The following CSMD1 variants were observed in gnomAD, a reference collection of about 807,000 sequenced individuals.
CSMD1 encodes CUB and sushi domain-containing protein 1.
Under a neutral mutation model 417.5 loss-of-function variants are expected in CSMD1, and 213 were observed. The ratio of observed to expected loss-of-function variants is 0.51; its 90% CI spans 0.46 to 0.57. The LOEUF is 0.57. CSMD1 is among the 20% of genes least tolerant of loss of function. The probability of loss-of-function intolerance (pLI) is 0.00; values close to 1 mark genes in which losing one functional copy is unlikely to be tolerated. For synonymous variants in CSMD1, 2,862 were observed against 1,736.8 expected (o/e 1.65, Z -16.11); for missense variants, 6,923 against 4,529.7 (o/e 1.53, Z -15.17).
chr8:3,057,725 G>C (rs1433274695), intron 49 of CSMD1, among the ~76,000 whole-genome samples: 1 of 152,076 alleles, frequency 6.6e-6, no homozygotes, highest in Non-Finnish European at 1.5e-5. Context: ...GCCTCAAAAC[G>C]GTTCTGCTGA....
At chr8:4,069,395 T>C (rs183100585) in intron 3 of CSMD1, among the ~76,000 whole-genome samples, 1 of 152,370 alleles carries the variant, frequency 6.6e-6, no homozygotes, top group Non-Finnish European at 1.5e-5. Context: ...GTCTGTTTTC[T>C]GAGTTTTCCG....
At chr8:3,479,765 T>G (rs1047855606) in intron 11 of CSMD1, among the ~76,000 whole-genome samples, 1 of 150,072 alleles carries the variant, frequency 6.7e-6, no homozygotes, top group East Asian at 2.0e-4. Context: ...TGAAAGACAA[T>G]CAACCAACCC....
rs1800640502 is a variant in CSMD1, at chr8:3,587,156, C to T, written c.1098-896G>A. ...GGATTTAGAGAAAAAACTGCCCTGG[C>T]TCCAGAGCTGCATTTGCAAACATGG... On this transcript the variant is annotated intron_variant, in intron 8 of 69. Coordinates refer to ENST00000635120, the MANE Select transcript of CSMD1 (RefSeq NM_033225.6). 2.0e-5 allele frequency among the ~76,000 whole-genome samples: 3 copies of T among 152,196 alleles called. 1 individual carries two copies. In the South Asian group the frequency reaches 6.2e-4, roughly 32 times the overall value.
At chr8:4,726,507 T>C (rs117456556) in intron 1 of CSMD1, among the ~76,000 whole-genome samples, 3 of 152,162 alleles carry the variant, frequency 2.0e-5, no homozygotes, top group African/African-American at 4.8e-5. Flanking sequence ...AAGACCTCAA[T>C]GGACAGGGCT....
intron 5 of CSMD1, among the ~76,000 whole-genome samples, chr8:3,798,666 A>C (rs1408940768): frequency 1.3e-5 from 2 of 152,152 alleles, no homozygotes; most frequent in Non-Finnish European, 2.9e-5. Flanking sequence ...ATTCAAGAAG[A>C]TGCATTTACA....
chr8:3,356,332 G>A (rs754745339), intron 21 of CSMD1, among the ~76,000 whole-genome samples: 29 of 152,210 alleles, frequency 1.9e-4, no homozygotes, highest in Admixed American at 3.3e-4. Flanking sequence ...TTAGGGATGA[G>A]GCAGACCACT....
intron 7 of CSMD1, among the ~76,000 whole-genome samples, chr8:3,625,700 C>G (rs940178434): frequency 8.5e-5 from 13 of 152,176 alleles, no homozygotes; most frequent in Admixed American, 8.5e-4. Context: ...ATTTGGCATT[C>G]CTAAAATTCA....
chr8:3,706,756 AT>A (rs747370631), intron 7 of CSMD1, among the ~76,000 whole-genome samples: 7 of 150,810 alleles, frequency 4.6e-5, no homozygotes, highest in Non-Finnish European at 1.0e-4. Flanking sequence ...GGGTTTTATC[AT>A]AAAAATCATT....
intron 49 of CSMD1, among the ~76,000 whole-genome samples, chr8:3,085,697 G>A (rs1814480684): frequency 1.3e-5 from 2 of 152,184 alleles, no homozygotes. Flanking sequence ...AAGAAGTCAA[G>A]ACTTATCCCA....
chr8:4,289,535 T>G (rs1797244732), intron 3 of CSMD1, among the ~76,000 whole-genome samples: 1 of 152,204 alleles, frequency 6.6e-6, no homozygotes, highest in African/African-American at 2.4e-5. Context: ...TGTAACACTT[T>G]CAGATCTGAC....
intron 3 of CSMD1, among the ~76,000 whole-genome samples, chr8:4,321,859 G>T (rs925356482): frequency 6.6e-6 from 1 of 151,972 alleles, no homozygotes; most frequent in Admixed American, 6.6e-5. Context: ...AATTCATTCA[G>T]AAGAAATGAA....
chr8:4,634,842 C>T (rs1431202802), intron 2 of CSMD1, among the ~76,000 whole-genome samples: 3 of 152,126 alleles, frequency 2.0e-5, no homozygotes, highest in Admixed American at 2.0e-4. Context: ...TCCAATTTCA[C>T]ATCTCTATTT....
intron 2 of CSMD1, among the ~76,000 whole-genome samples, chr8:4,482,349 G>A (rs1230392276): frequency 1.3e-5 from 2 of 152,062 alleles, no homozygotes; most frequent in African/African-American, 2.4e-5. Flanking sequence ...TGCGGTATTC[G>A]GTTTTCTGTT....
chr8:3,262,694 T>A (rs1432678728), intron 26 of CSMD1, among the ~76,000 whole-genome samples: 1 of 152,134 alleles, frequency 6.6e-6, no homozygotes, highest in Non-Finnish European at 1.5e-5. Context: ...ATACCTGGTG[T>A]AATCTGCCCC....
chr8:3,912,746 C>A (rs1450739772), intron 5 of CSMD1, among the ~76,000 whole-genome samples: 1 of 152,190 alleles, frequency 6.6e-6, no homozygotes, highest in Non-Finnish European at 1.5e-5. Flanking sequence ...AAGAGGCAGA[C>A]TGCAGTCTGC....
chr8:3,028,279 G>C (rs373916751), intron 51 of CSMD1, among the ~76,000 whole-genome samples: 1 of 152,110 alleles, frequency 6.6e-6, no homozygotes, highest in South Asian at 2.1e-4. Flanking sequence ...GCTAATGCTG[G>C]AATCTCCAGG....
At chr8:3,847,366 G>C (rs1449973773) in intron 5 of CSMD1, among the ~76,000 whole-genome samples, 1 of 152,098 alleles carries the variant, frequency 6.6e-6, no homozygotes, top group Non-Finnish European at 1.5e-5. Flanking sequence ...AAGCAGAAGT[G>C]GTCCCCTCCT....
intron 2 of CSMD1, among the ~76,000 whole-genome samples, chr8:4,456,740 T>C (rs1280148793): frequency 6.6e-6 from 1 of 152,096 alleles, no homozygotes; most frequent in Non-Finnish European, 1.5e-5. Context: ...GTCCTTACTG[T>C]CTAGTTGCTA....
intron 10 of CSMD1, among the ~76,000 whole-genome samples, chr8:3,511,738 A>C (rs1017059118): frequency 4.2e-5 from 6 of 142,332 alleles, no homozygotes; most frequent in African/African-American, 1.6e-4. Flanking sequence ...CAGGGGTGAC[A>C]GAGTGAGACT....
Sources: gnomAD v4.1 joint callset for allele counts (sites outside exome capture counted in the v4.1 genomes callset) on GRCh38, gnomAD v4.1.1 for gene constraint, MANE v1.5 for transcripts, NCBI Gene and HGNC (gene_info 2026-07-23, HGNC 2026-07-21) for gene names.